The following NTRK3 variants were observed in gnomAD, a reference collection of about 807,000 sequenced individuals.
NTRK3 encodes the protein neurotrophic receptor tyrosine kinase 3.
A neutral mutation model predicts 91.7 loss-of-function variants in NTRK3; 24 were observed. The ratio of observed to expected loss-of-function variants is 0.26; its 90% CI spans 0.19 to 0.37. NTRK3 has a LOEUF of 0.37. NTRK3 is among the 10% of genes least tolerant of loss of function. The probability of loss-of-function intolerance (pLI) is 1.00; values close to 1 mark genes in which losing one functional copy is unlikely to be tolerated. For synonymous variants in NTRK3, 483 were observed against 404.0 expected (o/e 1.20, Z -2.34); for missense variants, 880 against 1,068.9 (o/e 0.82, Z 2.46).
intron 5 of NTRK3, among the ~76,000 whole-genome samples, chr15:88,159,427 T>C (rs907471681): frequency 1.3e-5 from 2 of 152,108 alleles, no homozygotes; most frequent in Non-Finnish European, 2.9e-5. Context: ...AAAAACCAAA[T>C]TACCAGGCCT....
At chr15:88,040,275 G>A (rs1046957408) in intron 13 of NTRK3, among the ~76,000 whole-genome samples, 3 of 152,224 alleles carry the variant, frequency 2.0e-5, no homozygotes, top group African/African-American at 7.2e-5. Flanking sequence ...GAACTTCACT[G>A]CAGTAGCATG....
intron 15 of NTRK3, among the ~76,000 whole-genome samples, chr15:87,938,242 T>C (rs1287047468): frequency 6.6e-6 from 1 of 152,242 alleles, no homozygotes; most frequent in Non-Finnish European, 1.5e-5. Context: ...TCTTTGTTTG[T>C]ACCATAGCAA....
intron 13 of NTRK3, among the ~76,000 whole-genome samples, chr15:88,042,929 C>A (rs1275750142): frequency 6.6e-6 from 1 of 152,224 alleles, no homozygotes; most frequent in Non-Finnish European, 1.5e-5. Flanking sequence ...GCTGCCCCAC[C>A]CTCCAGTATT....
chr15:87,974,038 C>A (rs1283209324), intron 14 of NTRK3, among the ~76,000 whole-genome samples: 1 of 152,164 alleles, frequency 6.6e-6, no homozygotes, highest in African/African-American at 2.4e-5. Context: ...CGCTCCTGAG[C>A]TTTCCCGCGG....
rs1248475167 is a variant in NTRK3 at position 87,864,686 on chromosome 15, C to T, written c.*12249G>A. ...CTCCTTGTATTTTTTAGAGCATTCT[C>T]CATGGCTAGATACTCAAAGTGAAAA... On this transcript the variant is annotated 3_prime_UTR_variant, in exon 19 of 19. Transcript: ENST00000394480. 4 of 229,984 alleles carry T rather than the reference C, an allele frequency of 1.7e-5. No individual in the cohort carries two copies. The East Asian group carries it at 2.5e-4, about 14-fold the overall frequency. 14.2% of individuals were successfully genotyped at this position (229,984 alleles called of 1,614,324 possible).
exon 19 of NTRK3, chr15:87,875,368 G>A (rs1244689432): frequency 8.6e-6 from 2 of 231,378 alleles, no homozygotes; most frequent in East Asian, 1.2e-4. Context: ...GAGGCCCAGA[G>A]GTCGGCCCCA....
chr15:87,921,159 G>A (rs569788877), intron 17 of NTRK3, among the ~76,000 whole-genome samples: 4 of 152,032 alleles, frequency 2.6e-5, no homozygotes, highest in Non-Finnish European at 4.4e-5. Flanking sequence ...CCACTTCCTC[G>A]GGAATGGAAT....
intron 10 of NTRK3, among the ~76,000 whole-genome samples, chr15:88,131,196 A>G (rs2041302335): frequency 1.3e-5 from 2 of 152,208 alleles, no homozygotes; most frequent in Non-Finnish European, 1.5e-5. Context: ...AATGCACTAT[A>G]TCAATACTAC....
intron 3 of NTRK3, among the ~76,000 whole-genome samples, chr15:88,223,129 G>T (rs145246129): frequency 5.9e-5 from 9 of 152,294 alleles, no homozygotes; most frequent in Non-Finnish European, 8.8e-5. Flanking sequence ...GGTGGGATTG[G>T]GCAGAAGGCA....
intron 13 of NTRK3, among the ~76,000 whole-genome samples, chr15:88,107,743 CT>C (rs2050871720): frequency 6.6e-6 from 1 of 152,136 alleles, no homozygotes; most frequent in African/African-American, 2.4e-5. Flanking sequence ...GTGAAATCCT[CT>C]GCAGGGAATA....
chr15:88,229,769 C>A (rs892988193), intron 3 of NTRK3, among the ~76,000 whole-genome samples: 1 of 152,238 alleles, frequency 6.6e-6, no homozygotes, highest in Non-Finnish European at 1.5e-5. Context: ...ATAAAGCAAT[C>A]AATGGTACAA....
exon 19 of NTRK3, chr15:87,873,313 G>A (rs149303233): frequency 8.7e-6 from 2 of 229,566 alleles, no homozygotes; most frequent in African/African-American, 4.4e-5. Flanking sequence ...CTCTTGACTA[G>A]AGGAGGTTCA....
At chr15:88,121,295 T>C (rs2151063939) in intron 13 of NTRK3, among the ~76,000 whole-genome samples, 1 of 152,300 alleles carries the variant, frequency 6.6e-6, no homozygotes, top group South Asian at 2.1e-4. Context: ...ATGATGATGG[T>C]GCACTATGGA....
exon 19 of NTRK3, chr15:87,867,746 G>T (rs1434579510): frequency 1.7e-5 from 4 of 228,692 alleles, no homozygotes; most frequent in African/African-American, 8.9e-5. Flanking sequence ...ACTTGTTTCA[G>T]CCACAAGATA....
rs559229639 is a variant in NTRK3, at chr15:88,168,165, G to T, written c.395+15253C>A. On this transcript the variant is annotated intron_variant, in intron 5 of 18. Transcript: ENST00000394480. The stretch of plus-strand genomic sequence containing the variant: ...ATTAACCAAAATAAGGGAGGTGGGG[G>T]CAGGACAAGAATATTCTAGCACAAC... Among the ~76,000 whole-genome samples the T allele has an allele frequency of 1.5e-3, 235 of 152,266 alleles. 3 individuals carry two copies. Among genetic ancestry groups the T allele is most frequent in the African/African-American group, 5.6e-3 (233 of 41,574 alleles).
intron 12 of NTRK3, 38 bp downstream of exon 12, chr15:88,127,124 C>T (rs765663333): frequency 4.1e-5 from 63 of 1,533,606 alleles, no homozygotes; most frequent in Non-Finnish European, 5.5e-5. Flanking sequence ...AATGACTATG[C>T]CAGTCAACAC....
intron 3 of NTRK3, among the ~76,000 whole-genome samples, chr15:88,202,720 G>A (rs1351912913): frequency 6.6e-6 from 1 of 152,210 alleles, no homozygotes; most frequent in African/African-American, 2.4e-5. Context: ...GTCCTGGAGA[G>A]AAGGATGTTG....
At chr15:87,963,294 G>GT (rs2072477600) in intron 14 of NTRK3, among the ~76,000 whole-genome samples, 1 of 151,972 alleles carries the variant, frequency 6.6e-6, no homozygotes, top group South Asian at 2.1e-4. Context: ...GCTGTTTTTC[G>GT]TAAGAATGGA....
chr15:88,062,594 C>A (rs760109685), intron 13 of NTRK3, among the ~76,000 whole-genome samples: 14 of 152,272 alleles, frequency 9.2e-5, no homozygotes, highest in Middle Eastern at 3.4e-3. Flanking sequence ...GATGGCAGAG[C>A]CCCTAGATAA....
Sources: allele counts gnomAD v4.1 joint callset (sites outside exome capture counted in the v4.1 genomes callset), GRCh38; gene constraint gnomAD v4.1.1; transcripts MANE v1.5; gene names NCBI Gene and HGNC (gene_info 2026-07-23, HGNC 2026-07-21).